Variants in GNB4 observed in about 807,000 individuals in gnomAD.
GNB4 encodes G protein subunit beta 4.
GNB4 carries 28 observed loss-of-function variants against 45.2 expected under a neutral mutation model. The observed-to-expected ratio is 0.62, with a 90% confidence interval of 0.46 to 0.85. The LOEUF (loss-of-function observed/expected upper bound fraction) is 0.85. Ranked by LOEUF, GNB4 falls within the 40% of genes least tolerant of loss-of-function variation. The pLI is 0.00. For synonymous variants in GNB4, 132 were observed against 143.7 expected (o/e 0.92, Z 0.58); for missense variants, 321 against 425.4 (o/e 0.75, Z 2.16).
chr3:179,470,260 G>GC, the GNB4 span, among the ~76,000 whole-genome samples: 1 of 152,166 alleles, frequency 6.6e-6, no homozygotes, highest in African/African-American at 2.4e-5. Flanking sequence ...AACAGCCCCA[G>GC]CCAGGTCTTT....
At chr3:179,408,329 C>T (rs899137645) in intron 8 of GNB4, among the ~76,000 whole-genome samples, 2 of 152,072 alleles carry the variant, frequency 1.3e-5, no homozygotes, top group Non-Finnish European at 2.9e-5. Context: ...ACAGAAAAGA[C>T]ATATGAAGGC....
At chr3:179,449,699 A>G (rs563165722) in intron 1 of GNB4, among the ~76,000 whole-genome samples, 1 of 152,326 alleles carries the variant, frequency 6.6e-6, no homozygotes, top group South Asian at 2.1e-4. Context: ...CCCAGAAGAG[A>G]TATTTTAATA....
At chr3:179,523,744 G>A in the GNB4 span, among the ~76,000 whole-genome samples, 27 of 152,182 alleles carry the variant, frequency 1.8e-4, no homozygotes, top group South Asian at 5.0e-3. Flanking sequence ...TGGTTGCCAC[G>A]GAGGGAGTAG....
the GNB4 span, among the ~76,000 whole-genome samples, chr3:179,486,937 G>A: frequency 3.3e-5 from 5 of 152,284 alleles, no homozygotes; most frequent in Non-Finnish European, 7.4e-5. Flanking sequence ...CAAAATAATC[G>A]TAAACTTCTT....
At chr3:179,444,423 GTTTTT>G (rs34220563) in intron 1 of GNB4, among the ~76,000 whole-genome samples, 266 of 135,148 alleles carry the variant, frequency 2.0e-3, no homozygotes, top group Non-Finnish European at 2.8e-3. Flanking sequence ...TTTTCAGGGT[GTTTTT>G]TTTTTTTTTT....
intron 1 of GNB4, among the ~76,000 whole-genome samples, chr3:179,445,410 G>A (rs924784084): frequency 2.0e-5 from 3 of 151,796 alleles, no homozygotes; most frequent in Non-Finnish European, 2.9e-5. Flanking sequence ...CTAGCCTTCC[G>A]AGTAGCTGGA....
the GNB4 span, among the ~76,000 whole-genome samples, chr3:179,494,006 T>C: frequency 6.6e-6 from 1 of 152,266 alleles, no homozygotes; most frequent in East Asian, 1.9e-4. Context: ...AGGCTGGGGA[T>C]GCTAGTACAA....
At chr3:179,508,956 A>ATATATATATG in the GNB4 span, among the ~76,000 whole-genome samples, 12 of 145,362 alleles carry the variant, frequency 8.3e-5, no homozygotes, top group Non-Finnish European at 1.6e-4. Context: ...ATATATATAT[A>ATATATATATG]GTCCCTGTAA....
At chr3:179,404,623 G>A (rs767916640) in intron 9 of GNB4, among the ~76,000 whole-genome samples, 10 of 152,182 alleles carry the variant, frequency 6.6e-5, no homozygotes, top group Middle Eastern at 3.2e-3. Flanking sequence ...TGAAGCAACT[G>A]CTGTGTTTTG....
At chr3:179,416,765 T>G (rs1391653760) in intron 4 of GNB4, among the ~76,000 whole-genome samples, 1 of 152,240 alleles carries the variant, frequency 6.6e-6, no homozygotes, top group African/African-American at 2.4e-5. Context: ...ATTTAGCAAC[T>G]GACTAAAAAT....
the GNB4 span, among the ~76,000 whole-genome samples, chr3:179,511,123 G>A: frequency 6.6e-6 from 1 of 152,140 alleles, no homozygotes; most frequent in African/African-American, 2.4e-5. Context: ...CTCAGTGTTG[G>A]CCACATCACC....
At chr3:179,452,515 C>T (rs1715911158), upstream of GNB4, 1 of 152,156 alleles carries the variant, frequency 6.6e-6, no homozygotes, top group East Asian at 1.9e-4. Flanking sequence ...ACTTTAACAA[C>T]CCCTCAGCCT....
chr3:179,437,381 A>G (rs575769072), intron 1 of GNB4, among the ~76,000 whole-genome samples: 1 of 152,106 alleles, frequency 6.6e-6, no homozygotes, highest in South Asian at 2.1e-4. Flanking sequence ...CCTGGCCAAC[A>G]TGGTGAAACC....
intron 9 of GNB4, among the ~76,000 whole-genome samples, chr3:179,402,083 C>T (rs1714320170): frequency 6.6e-6 from 1 of 152,200 alleles, no homozygotes; most frequent in Non-Finnish European, 1.5e-5. Flanking sequence ...AGAAGTTCAT[C>T]TTGTAACTCT....
intron 1 of GNB4, among the ~76,000 whole-genome samples, chr3:179,436,189 G>C (rs183688840): frequency 6.6e-6 from 1 of 152,058 alleles, no homozygotes; most frequent in African/African-American, 2.4e-5. Flanking sequence ...GCCTGAGGCA[G>C]GGAGTTCGAG....
At chr3:179,448,550 G>C (rs1171066132) in intron 1 of GNB4, among the ~76,000 whole-genome samples, 1 of 146,942 alleles carries the variant, frequency 6.8e-6, no homozygotes, top group African/African-American at 2.5e-5. Flanking sequence ...GTATTGTTTT[G>C]GAGTCCCACT....
the GNB4 span, among the ~76,000 whole-genome samples, chr3:179,462,484 G>A: frequency 2.6e-5 from 4 of 152,164 alleles, no homozygotes; most frequent in African/African-American, 7.2e-5. Flanking sequence ...TGTCACTTAT[G>A]AGCTGTGTGA....
chr3:179,419,189 C>A (rs933902549), intron 4 of GNB4, among the ~76,000 whole-genome samples: 8 of 152,208 alleles, frequency 5.3e-5, no homozygotes, highest in African/African-American at 1.9e-4. Context: ...CTCTTCTGAA[C>A]AGTTGTCCTG....
the GNB4 span, among the ~76,000 whole-genome samples, chr3:179,466,858 T>TCAAG: frequency 6.6e-6 from 1 of 152,240 alleles, no homozygotes. Flanking sequence ...GTTTGATTAA[T>TCAAG]CAAGCAGGTT....
Sources: allele counts gnomAD v4.1 joint callset (sites outside exome capture counted in the v4.1 genomes callset), GRCh38; gene constraint gnomAD v4.1.1; transcripts MANE v1.5; gene names NCBI Gene and HGNC (gene_info 2026-07-23, HGNC 2026-07-21).